Variants in DPP4 observed in about 807,000 individuals in gnomAD.
DPP4 encodes dipeptidyl peptidase 4.
Under a neutral mutation model 122.4 loss-of-function variants are expected in DPP4, and 93 were observed. That is an observed-to-expected ratio of 0.76 (90% CI 0.64 to 0.90). DPP4 has a LOEUF of 0.90. Ranked by LOEUF, DPP4 falls within the 40% of genes least tolerant of loss-of-function variation. The probability of loss-of-function intolerance (pLI) is 0.00; values close to 1 mark genes in which losing one functional copy is unlikely to be tolerated. For synonymous variants in DPP4, 321 were observed against 302.9 expected (o/e 1.06, Z -0.62); for missense variants, 914 against 907.3 (o/e 1.01, Z -0.09).
chr2:162,063,449 G>A (rs928406005), intron 2 of DPP4, among the ~76,000 whole-genome samples: 1 of 152,096 alleles, frequency 6.6e-6, no homozygotes, highest in South Asian at 2.1e-4. Flanking sequence ...TCTTAGGATG[G>A]AGCCCCAGAG....
chr2:162,010,055 T>C (rs1038531118), intron 20 of DPP4, among the ~76,000 whole-genome samples: 5 of 152,208 alleles, frequency 3.3e-5, no homozygotes, highest in African/African-American at 1.2e-4. Context: ...TGCATTAACC[T>C]ATCTTGATTT....
At chr2:161,995,213 A>G in intron 24 of DPP4, 87 bp downstream of exon 24, 1 of 1,368,702 alleles carries the variant, frequency 7.3e-7, no homozygotes, top group South Asian at 1.2e-5. Context: ...TAAATGTAAC[A>G]GTCTTGCCCC....
intron 22 of DPP4, among the ~76,000 whole-genome samples, chr2:162,007,440 T>A (rs1285559608): frequency 6.6e-6 from 1 of 152,080 alleles, no homozygotes; most frequent in Non-Finnish European, 1.5e-5. Context: ...AATACAATTG[T>A]AAACTTTTAA....
At chr2:162,069,476 G>C (rs1306275807) in intron 2 of DPP4, among the ~76,000 whole-genome samples, 2 of 152,044 alleles carry the variant, frequency 1.3e-5, no homozygotes, top group African/African-American at 4.8e-5. Context: ...CTCTCTCTTT[G>C]TGATCCCCTT....
chr2:162,015,672 T>C (rs1158791282), intron 18 of DPP4, among the ~76,000 whole-genome samples: 1 of 152,154 alleles, frequency 6.6e-6, no homozygotes, highest in Non-Finnish European at 1.5e-5. Context: ...TGAATGGCTA[T>C]AACCACCTCC....
intron 4 of DPP4, among the ~76,000 whole-genome samples, chr2:162,046,091 A>G (rs1684164924): frequency 6.6e-6 from 1 of 152,174 alleles, no homozygotes; most frequent in Admixed American, 6.5e-5. Context: ...AAGTGATAGA[A>G]TCATATCTAT....
At chr2:162,015,325 G>A (rs1416891304) in intron 18 of DPP4, among the ~76,000 whole-genome samples, 3 of 152,174 alleles carry the variant, frequency 2.0e-5, no homozygotes, top group African/African-American at 7.2e-5. Flanking sequence ...AGATTTGGGA[G>A]TAAAATATAT....
At chr2:162,073,292 G>C in intron 2 of DPP4, 107 bp downstream of exon 2, 1 of 1,085,260 alleles carries the variant, frequency 9.2e-7, no homozygotes, top group Non-Finnish European at 1.4e-6. Context: ...TACACTTCGG[G>C]GCACTGGTCC....
intron 5 of DPP4, among the ~76,000 whole-genome samples, chr2:162,040,302 A>G (rs1683940234): frequency 6.6e-6 from 1 of 152,166 alleles, no homozygotes; most frequent in Non-Finnish European, 1.5e-5. Context: ...CTGGGAGGCA[A>G]CTAAGATGTC....
At position 162,038,367 on chromosome 2, in the gene DPP4, T is replaced by C; in HGVS notation, c.548A>G (p.Tyr183Cys). ...YVKIEPNLPS[Y>C]RITWTGKEDI... ...TTCTTTCCCCGTCCATGTGATTCTG[T>C]AACTTGGTAAATTTGGTTCAATTTT... The change falls in exon 8 of 26, where the codon TAC (tyrosine) becomes TGC (cysteine). Residue 183 changes from tyrosine to cysteine, a missense_variant. Coordinates refer to ENST00000360534, the MANE Select transcript of DPP4 (RefSeq NM_001935.4). 1.9e-6 allele frequency: 3 copies of C among 1,609,232 alleles called. No homozygotes were observed. Among genetic ancestry groups the C allele is most frequent in the African/African-American group, 1.3e-5 (1 of 74,830 alleles).
intron 22 of DPP4, among the ~76,000 whole-genome samples, chr2:162,006,798 A>G (rs2106083057): frequency 6.6e-6 from 1 of 152,250 alleles, no homozygotes; most frequent in South Asian, 2.1e-4. Context: ...TGCCTCCTTA[A>G]GTGACCAGAT....
chr2:162,012,134 C>A, intron 19 of DPP4, 147 bp from the exon 20 acceptor site: 1 of 637,082 alleles, frequency 1.6e-6, no homozygotes, highest in Non-Finnish European at 2.6e-6. Flanking sequence ...CAGAATGAGT[C>A]CTCTAAAACT....
intron 5 of DPP4, among the ~76,000 whole-genome samples, chr2:162,042,819 A>T (rs1290456292): frequency 6.6e-6 from 1 of 152,200 alleles, no homozygotes; most frequent in African/African-American, 2.4e-5. Context: ...GCAGGCAAAA[A>T]ATAAGCAAAG....
intron 2 of DPP4, among the ~76,000 whole-genome samples, chr2:162,071,197 C>T (rs1408704452): frequency 2.0e-5 from 3 of 152,174 alleles, no homozygotes; most frequent in Non-Finnish European, 4.4e-5. Context: ...TCCCACCCTC[C>T]TCTGGGGCCC....
intron 1 of DPP4, 170 bp from the exon 2 acceptor site, chr2:162,073,656 TC>T: frequency 1.4e-6 from 1 of 694,242 alleles, no homozygotes; most frequent in East Asian, 2.7e-5. Context: ...CAGTTGGAGT[TC>T]TCTAAGGCGG....
chr2:161,996,323 G>A (rs1448170008), intron 23 of DPP4, among the ~76,000 whole-genome samples: 6 of 152,242 alleles, frequency 3.9e-5, no homozygotes, highest in Admixed American at 3.9e-4. Context: ...GTGTTGGGCA[G>A]GAAAGGGGCA....
intron 4 of DPP4, 87 bp from the exon 5 acceptor site, chr2:162,045,699 A>G (rs1374172854): frequency 1.1e-6 from 1 of 942,768 alleles, no homozygotes; most frequent in Non-Finnish European, 1.7e-6. Flanking sequence ...GTACTGTTCT[A>G]GACATGTGGC....
Position 162,005,828 on chromosome 2 carries a change from T to A in DPP4, c.1988-19A>T, listed in dbSNP as rs202138806. 2 of 1,599,086 alleles carry A rather than the reference T, an allele frequency of 1.3e-6. No individual in the cohort carries two copies. Among genetic ancestry groups the A allele is most frequent in the Non-Finnish European group, 8.5e-7 (1 of 1,172,074 alleles). Reference sequence around the variant, plus strand: ...ACTGAGTCTGTGAAAGAAAAAAAAATAAAAAAAAGTTTAATTCATACAATA... The same window carrying A: ...ACTGAGTCTGTGAAAGAAAAAAAAAAAAAAAAAAGTTTAATTCATACAATA... On this transcript the variant is annotated intron_variant, in intron 22 of 25. Transcript: ENST00000360534.
Position 162,024,789 on chromosome 2 carries a change from C to G in DPP4, c.1023+15G>C. The G allele has an allele frequency of 3.7e-6, 6 of 1,612,206 alleles. No homozygotes were observed. Among genetic ancestry groups the G allele is most frequent in the Non-Finnish European group, 5.1e-6 (6 of 1,179,634 alleles). ...CATGTTGCTCTAGAAGCAGAACATC[C>G]CCATTCAGTCTCACCACTAAGCAGT... On this transcript the variant is annotated intron_variant, in intron 11 of 25. Transcript: ENST00000360534.
Sources: gnomAD v4.1 joint callset for allele counts (sites outside exome capture counted in the v4.1 genomes callset) on GRCh38, gnomAD v4.1.1 for gene constraint, MANE v1.5 for transcripts, NCBI Gene and HGNC (gene_info 2026-07-23, HGNC 2026-07-21) for gene names.